The following KHDRBS2 variants were observed in gnomAD, a reference collection of about 807,000 sequenced individuals.
KHDRBS2 encodes the protein KH RNA binding domain containing, signal transduction associated 2, also known as KH domain-containing, RNA-binding, signal transduction-associated protein 2.
KHDRBS2 carries 26 observed loss-of-function variants against 44.3 expected under a neutral mutation model. The observed-to-expected ratio is 0.59, with a 90% CI of 0.43 to 0.81. The LOEUF is 0.81. KHDRBS2 is among the 40% of genes least tolerant of loss of function. The pLI is 0.00. For missense variants in KHDRBS2, 476 were observed against 433.1 expected (o/e 1.10, Z -0.88); for synonymous variants, 194 against 151.1 (o/e 1.28, Z -2.08).
intron 2 of KHDRBS2, among the ~76,000 whole-genome samples, chr6:62,099,376 G>T (rs1194330643): frequency 6.6e-6 from 1 of 152,182 alleles, no homozygotes; most frequent in Admixed American, 6.5e-5. Flanking sequence ...ATCCAGGTTT[G>T]CCAAGAGTCT....
At chr6:62,053,463 AC>A (rs1789544572) in intron 2 of KHDRBS2, among the ~76,000 whole-genome samples, 1 of 152,048 alleles carries the variant, frequency 6.6e-6, no homozygotes. Context: ...TCATAGGTAT[AC>A]AAGTATTTTA....
intron 6 of KHDRBS2, among the ~76,000 whole-genome samples, chr6:61,741,456 G>T (rs1211870080): frequency 6.6e-6 from 1 of 151,922 alleles, no homozygotes; most frequent in African/African-American, 2.4e-5. Context: ...TGACAGTTCA[G>T]ATAATTTTAA....
intron 6 of KHDRBS2, among the ~76,000 whole-genome samples, chr6:61,827,913 T>C (rs961067538): frequency 2.2e-4 from 34 of 152,150 alleles, no homozygotes; most frequent in Admixed American, 1.9e-3. Context: ...GGATAGGAGT[T>C]CAGCATATGA....
intron 4 of KHDRBS2, among the ~76,000 whole-genome samples, chr6:61,956,766 CA>C (rs1767428993): frequency 6.6e-6 from 1 of 152,122 alleles, no homozygotes; most frequent in Non-Finnish European, 1.5e-5. Flanking sequence ...GACCCAGACC[CA>C]AAACACAAAA....
At chr6:62,147,458 C>T (rs1482095115) in intron 2 of KHDRBS2, among the ~76,000 whole-genome samples, 1 of 151,776 alleles carries the variant, frequency 6.6e-6, no homozygotes. Context: ...CTGGGCATTG[C>T]TTAGTTTCCC....
At chr6:61,850,105 A>G (rs1212836740) in intron 6 of KHDRBS2, among the ~76,000 whole-genome samples, 1 of 152,152 alleles carries the variant, frequency 6.6e-6, no homozygotes, top group Non-Finnish European at 1.5e-5. Flanking sequence ...TTAACCCTCC[A>G]TCTTTGGATT....
chr6:61,845,583 C>T (rs566930855), intron 6 of KHDRBS2, among the ~76,000 whole-genome samples: 1 of 152,308 alleles, frequency 6.6e-6, no homozygotes, highest in Admixed American at 6.5e-5. Flanking sequence ...GCTGGGATTA[C>T]AGGCGTGAGC....
chr6:62,178,928 A>C (rs1355140890), intron 1 of KHDRBS2, among the ~76,000 whole-genome samples: 1 of 151,512 alleles, frequency 6.6e-6, no homozygotes, highest in Admixed American at 6.6e-5. Flanking sequence ...GTTTCATATA[A>C]ATTTATTTAT....
chr6:62,165,886 T>C (rs997715878), intron 2 of KHDRBS2, among the ~76,000 whole-genome samples: 2 of 151,932 alleles, frequency 1.3e-5, no homozygotes, highest in Non-Finnish European at 2.9e-5. Flanking sequence ...ACATTCACAA[T>C]GTTATGCAAC....
chr6:61,770,547 C>T (rs149199777), intron 6 of KHDRBS2, among the ~76,000 whole-genome samples: 24,381 of 152,104 alleles, frequency 0.16, 2,460 homozygotes, highest in East Asian at 0.29. Flanking sequence ...ATGCAGAAGC[C>T]TCAGTAGACG....
At chr6:61,617,939 G>C in the KHDRBS2 span, among the ~76,000 whole-genome samples, 1 of 151,604 alleles carries the variant, frequency 6.6e-6, no homozygotes. Context: ...TCCCTAAATT[G>C]CTATTTTTCC....
intron 6 of KHDRBS2, among the ~76,000 whole-genome samples, chr6:61,743,390 G>A (rs1401723106): frequency 6.6e-6 from 1 of 152,042 alleles, no homozygotes; most frequent in East Asian, 1.9e-4. Context: ...TGTAAACTCA[G>A]TTATCTGGCA....
At chr6:61,911,190 T>C (rs1217975829) in intron 4 of KHDRBS2, among the ~76,000 whole-genome samples, 1 of 152,192 alleles carries the variant, frequency 6.6e-6, no homozygotes, top group Non-Finnish European at 1.5e-5. Context: ...TAGGCCTTCC[T>C]CTGGACGTGG....
chr6:61,550,347 T>A, the KHDRBS2 span, among the ~76,000 whole-genome samples: 1 of 152,200 alleles, frequency 6.6e-6, no homozygotes, highest in Non-Finnish European at 1.5e-5. Flanking sequence ...TCCAGTTCTG[T>A]CTATGTTGCT....
At chr6:61,625,474 A>AT in the KHDRBS2 span, among the ~76,000 whole-genome samples, 1 of 151,524 alleles carries the variant, frequency 6.6e-6, no homozygotes, top group Admixed American at 6.6e-5. Flanking sequence ...TAGTTGCTAC[A>AT]TTTTTGGATG....
chr6:61,640,718 C>G, the KHDRBS2 span, among the ~76,000 whole-genome samples: 5 of 152,118 alleles, frequency 3.3e-5, no homozygotes, highest in Non-Finnish European at 7.4e-5. Flanking sequence ...TTTTTCTTTG[C>G]TAGCTGAACT....
chr6:61,651,036 G>C, the KHDRBS2 span, among the ~76,000 whole-genome samples: 1 of 151,962 alleles, frequency 6.6e-6, no homozygotes. Context: ...CAACCATTCT[G>C]TATTAGAAGT....
At chr6:62,189,640 G>A (rs1352931609) in intron 1 of KHDRBS2, among the ~76,000 whole-genome samples, 1 of 152,110 alleles carries the variant, frequency 6.6e-6, no homozygotes, top group Non-Finnish European at 1.5e-5. Context: ...TAGACCAGGT[G>A]AGATATGATG....
the KHDRBS2 span, among the ~76,000 whole-genome samples, chr6:61,579,672 A>G: frequency 0.17 from 26,075 of 152,154 alleles, 2,475 homozygotes; most frequent in East Asian, 0.29. Context: ...TCCCTGAGTT[A>G]TGAGAATTTG....
Sources: allele counts gnomAD v4.1 joint callset (sites outside exome capture counted in the v4.1 genomes callset), GRCh38; gene constraint gnomAD v4.1.1; transcripts MANE v1.5; gene names NCBI Gene and HGNC (gene_info 2026-07-23, HGNC 2026-07-21).